Variants in PRKD1 observed in about 807,000 individuals in gnomAD.
The protein encoded by PRKD1 is protein kinase D1.
In PRKD1, 63 loss-of-function variants were observed where a neutral mutation model predicts 95.9. That is an observed-to-expected ratio of 0.66 (90% CI 0.54 to 0.81). The LOEUF (loss-of-function observed/expected upper bound fraction) is 0.81, where lower values mean the gene tolerates loss of function less well. Among genes scored for constraint, PRKD1 ranks in the 30% least tolerant of loss-of-function variants. The pLI is 0.00. For missense variants in PRKD1, 1,048 were observed against 1,165.3 expected (o/e 0.90, Z 1.47); for synonymous variants, 425 against 423.1 (o/e 1.00, Z -0.05).
chr14:29,719,730 G>T (rs1475487733), intron 2 of PRKD1, among the ~76,000 whole-genome samples: 1 of 152,162 alleles, frequency 6.6e-6, no homozygotes, highest in Non-Finnish European at 1.5e-5. Flanking sequence ...GTGATATTAT[G>T]TAAGCAAAGA....
chr14:29,920,237 T>G lies in PRKD1; in HGVS notation c.264+7012A>C, dbSNP rs112277873. Among the ~76,000 whole-genome samples the G allele has an allele frequency of 1.6e-3, 248 of 152,206 alleles. 2 individuals are homozygous for G. The highest frequency in any genetic ancestry group is 2.2e-3 in the Non-Finnish European group (148 of 67,986). On this transcript the variant is annotated intron_variant, in intron 1 of 17. Coordinates refer to ENST00000331968, the MANE Select transcript of PRKD1 (RefSeq NM_002742.3). ...TAAGGAAAGATTTAAGAAATTGAAG[T>G]CTCATTTTCAAAATCACTCTAAAGT...
intron 1 of PRKD1, among the ~76,000 whole-genome samples, chr14:29,815,134 C>G (rs1890639906): frequency 6.6e-6 from 1 of 152,142 alleles, no homozygotes; most frequent in African/African-American, 2.4e-5. Context: ...AAAAGTGCAT[C>G]AAACGACCTT....
intron 13 of PRKD1, among the ~76,000 whole-genome samples, chr14:29,600,855 TC>T (rs1396067774): frequency 5.7e-5 from 7 of 122,000 alleles, no homozygotes; most frequent in African/African-American, 2.4e-4. Flanking sequence ...TTCTGGGTCA[TC>T]AACAAATGCC....
At chr14:29,633,170 G>T (rs1269881970) in intron 8 of PRKD1, among the ~76,000 whole-genome samples, 3 of 152,158 alleles carry the variant, frequency 2.0e-5, no homozygotes, top group South Asian at 4.1e-4. Flanking sequence ...GAGTAATAAA[G>T]AAGATGAAGT....
intron 15 of PRKD1, among the ~76,000 whole-genome samples, chr14:29,598,051 G>T (rs1893374389): frequency 6.6e-6 from 1 of 151,922 alleles, no homozygotes; most frequent in African/African-American, 2.4e-5. Flanking sequence ...TGAGGCAGGA[G>T]GATTGCTTGA....
chr14:29,759,375 T>C (rs544609591), intron 1 of PRKD1, among the ~76,000 whole-genome samples: 1 of 152,214 alleles, frequency 6.6e-6, no homozygotes, highest in South Asian at 2.1e-4. Flanking sequence ...CTAATTAATT[T>C]AAAAACAGCA....
chr14:29,744,464 C>A (rs1363403708), intron 1 of PRKD1, among the ~76,000 whole-genome samples: 2 of 152,116 alleles, frequency 1.3e-5, no homozygotes, highest in Admixed American at 6.6e-5. Flanking sequence ...CTCTCCAAAA[C>A]CTGAATTAAC....
At chr14:29,903,713 A>T (rs765730744) in intron 1 of PRKD1, among the ~76,000 whole-genome samples, 14 of 152,218 alleles carry the variant, frequency 9.2e-5, no homozygotes, top group Non-Finnish European at 1.5e-4. Context: ...AGGGGTGACA[A>T]CTGAGGAACA....
intron 4 of PRKD1, among the ~76,000 whole-genome samples, chr14:29,646,049 C>A (rs1018545331): frequency 2.0e-5 from 3 of 152,046 alleles, no homozygotes; most frequent in Non-Finnish European, 4.4e-5. Context: ...TTCTGGAATA[C>A]CGTGTCACAA....
At chr14:29,651,826 C>T (rs1271432606) in intron 4 of PRKD1, among the ~76,000 whole-genome samples, 1 of 152,024 alleles carries the variant, frequency 6.6e-6, no homozygotes, top group East Asian at 1.9e-4. Flanking sequence ...CTCACTGCAA[C>T]CTCCACCTCC....
At chr14:29,822,918 T>A (rs952274483) in intron 1 of PRKD1, among the ~76,000 whole-genome samples, 2 of 151,868 alleles carry the variant, frequency 1.3e-5, no homozygotes, top group East Asian at 1.9e-4. Flanking sequence ...CAAAATGTTT[T>A]AAAAAAAAAT....
At chr14:29,862,093 T>A (rs1323915896) in intron 1 of PRKD1, among the ~76,000 whole-genome samples, 1 of 152,232 alleles carries the variant, frequency 6.6e-6, no homozygotes, top group Admixed American at 6.5e-5. Context: ...TCAATTGCTT[T>A]GATTTTTAGA....
At chr14:29,914,865 C>A (rs923397716) in intron 1 of PRKD1, among the ~76,000 whole-genome samples, 2 of 151,930 alleles carry the variant, frequency 1.3e-5, no homozygotes, top group African/African-American at 4.8e-5. Context: ...CTCCGCCTCC[C>A]GGGTTCACGC....
At chr14:29,817,483 G>C (rs1309262656) in intron 1 of PRKD1, among the ~76,000 whole-genome samples, 1 of 152,120 alleles carries the variant, frequency 6.6e-6, no homozygotes, top group Non-Finnish European at 1.5e-5. Context: ...TTAAGAGGAA[G>C]GAGGAGATTT....
intron 1 of PRKD1, among the ~76,000 whole-genome samples, chr14:29,889,376 T>C (rs1239995719): frequency 2.6e-5 from 4 of 152,236 alleles, no homozygotes; most frequent in Non-Finnish European, 4.4e-5. Flanking sequence ...TTGGGACTGG[T>C]TGGACAGTAG....
At chr14:29,737,321 T>A (rs1886772124) in intron 1 of PRKD1, among the ~76,000 whole-genome samples, 4 of 80,866 alleles carry the variant, frequency 4.9e-5, no homozygotes, top group Admixed American at 2.1e-4. Flanking sequence ...AGAGCGAGAC[T>A]CCGTCTCAAA....
chr14:29,636,658 T>C (rs1340074071), intron 6 of PRKD1, among the ~76,000 whole-genome samples, 164 bp from the exon 7 acceptor site: 1 of 152,178 alleles, frequency 6.6e-6, no homozygotes, highest in African/African-American at 2.4e-5. Flanking sequence ...TTTAGGAGTA[T>C]ATGTGCAGGT....
At chr14:29,918,008 G>C (rs1394360260) in intron 1 of PRKD1, among the ~76,000 whole-genome samples, 1 of 151,900 alleles carries the variant, frequency 6.6e-6, no homozygotes, top group African/African-American at 2.4e-5. Context: ...TCATGGGGGG[G>C]CTGTACAGAT....
intron 2 of PRKD1, among the ~76,000 whole-genome samples, chr14:29,676,176 C>CTTTTTTT (rs1566532166): frequency 1.6e-5 from 1 of 62,244 alleles, no homozygotes; most frequent in African/African-American, 9.3e-5. Context: ...TAGTTCATTA[C>CTTTTTTT]GTTTTTGTTT....
Sources: gnomAD v4.1 joint callset for allele counts (sites outside exome capture counted in the v4.1 genomes callset) on GRCh38, gnomAD v4.1.1 for gene constraint, MANE v1.5 for transcripts, NCBI Gene and HGNC (gene_info 2026-07-23, HGNC 2026-07-21) for gene names.